LONRF3: variants seen among roughly 807,000 people sequenced by gnomAD.
LONRF3 encodes LON peptidase N-terminal domain and RING finger protein 3.
LONRF3 carries 19 observed loss-of-function variants against 51.7 expected under a neutral mutation model. The observed-to-expected ratio is 0.37, with a 90% CI of 0.26 to 0.54. The LOEUF is 0.54. Ranked by LOEUF, LONRF3 falls within the 20% of genes least tolerant of loss-of-function variation. The probability of loss-of-function intolerance (pLI) is 0.86; values close to 1 mark genes in which losing one functional copy is unlikely to be tolerated. For synonymous variants in LONRF3, 265 were observed against 257.8 expected (o/e 1.03, Z -0.27); for missense variants, 521 against 623.9 (o/e 0.84, Z 1.76).
At chrX:118,996,600 C>T (rs1923881703) in intron 5 of LONRF3, among the ~76,000 whole-genome samples, 1 of 111,339 alleles carries the variant, frequency 9.0e-6, no homozygotes, top group Non-Finnish European at 1.9e-5. Context: ...TATATCTAAC[C>T]AAGGAGTCAA....
chrX:119,013,379 C>A (rs766356618), intron 9 of LONRF3, among the ~76,000 whole-genome samples, 178 bp downstream of exon 9: 1 of 112,103 alleles, frequency 8.9e-6, no homozygotes. Context: ...GCAGTGAGGG[C>A]GCCTACTGTC....
chrX:118,986,488 T>C (rs776795382), intron 3 of LONRF3, among the ~76,000 whole-genome samples: 1 of 112,180 alleles, frequency 8.9e-6, no homozygotes, highest in East Asian at 2.8e-4. Context: ...TGAGGTATTA[T>C]GAACTTCAAA....
At chrX:118,996,056 A>C (rs1363074798) in intron 5 of LONRF3, among the ~76,000 whole-genome samples, 1 of 112,326 alleles carries the variant, frequency 8.9e-6, no homozygotes, top group Non-Finnish European at 1.9e-5. Context: ...AACCACATTA[A>C]GGTATGTCCC....
chrX:119,017,677 G>A lies in LONRF3; in HGVS notation c.2267G>A (p.Arg756Gln), dbSNP rs755319363. The A allele has an allele frequency of 4.1e-5, 49 of 1,192,835 alleles. No homozygotes were observed. The highest frequency in any genetic ancestry group is 2.8e-4 in the South Asian group (15 of 53,108). Residue 756 changes from arginine (R) to glutamine (Q), a missense_variant, in exon 11 of 11, where the codon CGA becomes CAA. Arg to Gln is a conservative substitution (Grantham distance 43). This residue lies in a region of LONRF3 where 145 missense variants were observed against 247.2 expected (regional missense o/e 0.59). Transcript: ENST00000371628. ...GIRRVLAFIS[R>Q]NQN ...CGACGAGTCCTGGCCTTCATATCCCGAAACCAAAACTAGTGAGTGGATTGC... is the reference window on the plus strand; with the variant it reads ...CGACGAGTCCTGGCCTTCATATCCCAAAACCAAAACTAGTGAGTGGATTGC...
intron 6 of LONRF3, 67 bp from the exon 7 acceptor site, chrX:119,009,059 A>G (rs1924921522): frequency 4.0e-6 from 4 of 996,202 alleles, no homozygotes; most frequent in Non-Finnish European, 5.6e-6. Context: ...TGATTACATC[A>G]GAAGTGTTTT....
Position 118,989,388 on chromosome X carries a change from G to C in LONRF3, c.1060-20G>C. Reference sequence around the variant, plus strand: ...ATTAGTCCTAAGAAGATTCTGATATGTGGCCCTTTCTTCATCCAGGACAAT... The same window carrying C: ...ATTAGTCCTAAGAAGATTCTGATATCTGGCCCTTTCTTCATCCAGGACAAT... On this transcript the variant is annotated intron_variant, in intron 3 of 10. Coordinates refer to ENST00000371628, the MANE Select transcript of LONRF3 (RefSeq NM_001031855.3). 1 of 1,207,413 alleles carries C rather than the reference G, an allele frequency of 8.3e-7. No individual in the cohort carries two copies. The highest frequency in any genetic ancestry group is 1.8e-5 in the South Asian group (1 of 56,389).
intron 5 of LONRF3, among the ~76,000 whole-genome samples, chrX:118,997,017 A>C (rs751401311): frequency 9.0e-6 from 1 of 110,806 alleles, no homozygotes; most frequent in Non-Finnish European, 1.9e-5. Flanking sequence ...TCCCATGCTC[A>C]TGGATGGGTA....
intron 2 of LONRF3, among the ~76,000 whole-genome samples, chrX:118,982,277 T>C (rs888904688): frequency 1.8e-5 from 2 of 111,852 alleles, no homozygotes; most frequent in Non-Finnish European, 3.8e-5. Flanking sequence ...GCAGTTCTAG[T>C]TCCAGCTTTG....
chrX:118,990,965 C>T (rs930404136), intron 5 of LONRF3, among the ~76,000 whole-genome samples: 19 of 111,501 alleles, frequency 1.7e-4, no homozygotes, highest in African/African-American at 6.2e-4. Context: ...TCAAGCGATT[C>T]ACGTGCCTCA....
chrX:118,980,680 G>A (rs1442247828), intron 2 of LONRF3, among the ~76,000 whole-genome samples: 1 of 111,073 alleles, frequency 9.0e-6, no homozygotes, highest in Admixed American at 9.6e-5. Context: ...TAACCCAAAG[G>A]AGCTTTAGTG....
At chrX:119,016,221 G>A (rs1011010909) in intron 10 of LONRF3, among the ~76,000 whole-genome samples, 1 of 111,847 alleles carries the variant, frequency 8.9e-6, no homozygotes, top group Non-Finnish European at 1.9e-5. Flanking sequence ...AGGCTTAGAA[G>A]GAAATAAGTA....
rs184816165 is a variant in LONRF3 at position 119,008,598 on chromosome X, A to G, written c.1531-528A>G. ...TTTTAAACTAAAATTAAAAGAGAAA[A>G]AATAGGTATATTTGGCAATATCCAG... On this transcript the variant is annotated intron_variant, in intron 6 of 10. Coordinates refer to ENST00000371628, the MANE Select transcript of LONRF3 (RefSeq NM_001031855.3). Among the ~76,000 whole-genome samples the G allele has an allele frequency of 1.9e-3, 216 of 112,180 alleles. 2 individuals carry two copies. The highest frequency in any genetic ancestry group is 6.8e-3 in the African/African-American group (211 of 30,895).
At chrX:118,991,713 G>A (rs1923441901) in intron 5 of LONRF3, among the ~76,000 whole-genome samples, 1 of 112,234 alleles carries the variant, frequency 8.9e-6, no homozygotes, top group Non-Finnish European at 1.9e-5. Context: ...GACCTGGATG[G>A]AGCAAGTGAC....
intron 7 of LONRF3, 39 bp downstream of exon 7, chrX:119,009,286 C>T (rs780067069): frequency 8.7e-7 from 1 of 1,149,273 alleles, no homozygotes; most frequent in Non-Finnish European, 1.2e-6. Context: ...TCACTCATAC[C>T]AGCTCAATGA....
chrX:118,991,665 A>G (rs1361004192), intron 5 of LONRF3, among the ~76,000 whole-genome samples: 1 of 112,124 alleles, frequency 8.9e-6, no homozygotes, highest in Non-Finnish European at 1.9e-5. Context: ...TTACTGGCTT[A>G]GAGGAGAGGC....
At position 118,975,644 on chromosome X, in the gene LONRF3, A is replaced by G. The variant is rs779839632; in HGVS notation, c.817+47A>G. ...GCCGGGGCTGGGGCTCGGTGGCTAC[A>G]TGAGGGAGCGGGAGAACAAACCCCG... On this transcript the variant is annotated intron_variant, in intron 1 of 10. Coordinates refer to ENST00000371628, the MANE Select transcript of LONRF3 (RefSeq NM_001031855.3). The G allele has an allele frequency of 2.0e-5, 17 of 870,070 alleles. No homozygotes were observed. In the Admixed American group the frequency reaches 4.8e-4, roughly 25 times the overall value. The allele number at this position is 870,070 out of a possible 1,213,427, so 71.7% of individuals were successfully genotyped here. A position where few individuals can be genotyped will look rare whatever the true frequency, so the allele number is the denominator to read the frequency against.
chrX:119,013,160 G>A lies in LONRF3; in HGVS notation c.1933G>A (p.Gly645Ser). 2 of 1,212,348 alleles carry A rather than the reference G, an allele frequency of 1.6e-6. No individual in the cohort carries two copies. Among genetic ancestry groups the A allele is most frequent in the Non-Finnish European group, 2.2e-6 (2 of 895,657 alleles). ...GGTGCTCCATCAGAGCCAGCGGGAT[G>A]GCTACAACACAGCCGACATTGAATA... is the stretch of plus-strand genomic sequence containing the variant. Reference protein sequence around the residue: ...FRVLHQSQRDGYNTADIEYIE... With the variant: ...FRVLHQSQRDSYNTADIEYIE... The change falls in exon 9 of 11, where the codon GGC becomes AGC. Residue 645 changes from glycine to serine, a missense_variant. Around this residue, in one of 2 missense-constraint regions of LONRF3, gnomAD observed 145 missense variants for 247.2 expected, o/e 0.59. Transcript: ENST00000371628.
At chrX:118,989,283 T>C in intron 3 of LONRF3, 125 bp from the exon 4 acceptor site, 1 of 769,917 alleles carries the variant, frequency 1.3e-6, no homozygotes, top group Non-Finnish European at 1.9e-6. Flanking sequence ...TTGAGCTCTG[T>C]GTCCACTATG....
intron 5 of LONRF3, among the ~76,000 whole-genome samples, chrX:118,993,120 A>ACC (rs1411766626): frequency 5.6e-4 from 40 of 71,834 alleles, no homozygotes; most frequent in African/African-American, 2.9e-3. Context: ...TTATTCTAAC[A>ACC]CCCCCCCCCA....
Sources: gnomAD v4.1 joint callset for allele counts (sites outside exome capture counted in the v4.1 genomes callset) on GRCh38, gnomAD v4.1.1 for gene constraint, gnomAD v4.1.1 regional missense constraint, MANE v1.5 for transcripts, NCBI Gene and HGNC (gene_info 2026-07-23, HGNC 2026-07-21) for gene names.